The following ABCC4 variants were observed in gnomAD, a reference collection of about 807,000 sequenced individuals.
ABCC4 encodes the protein ATP binding cassette subfamily C member 4 (PEL blood group).
A neutral mutation model predicts 168.5 loss-of-function variants in ABCC4; 102 were observed. The observed-to-expected ratio is 0.61, with a 90% confidence interval of 0.52 to 0.71. The LOEUF is 0.71. ABCC4 is among the 30% of genes least tolerant of loss of function. The probability of loss-of-function intolerance (pLI) is 0.00; values close to 1 mark genes in which losing one functional copy is unlikely to be tolerated. For synonymous variants in ABCC4, 617 were observed against 590.7 expected (o/e 1.04, Z -0.65); for missense variants, 1,402 against 1,605.8 (o/e 0.87, Z 2.17).
chr13:95,039,224 T>C (rs1274731238), intron 29 of ABCC4, among the ~76,000 whole-genome samples: 1 of 152,150 alleles, frequency 6.6e-6, no homozygotes, highest in Non-Finnish European at 1.5e-5. Context: ...GCATACTTAA[T>C]CCGAAAATCC....
At chr13:95,025,903 T>C (rs1442500067) in intron 30 of ABCC4, among the ~76,000 whole-genome samples, 1 of 151,518 alleles carries the variant, frequency 6.6e-6, no homozygotes, top group Non-Finnish European at 1.5e-5. Flanking sequence ...AAAAGTGAAG[T>C]GGAAAAGAAA....
intron 30 of ABCC4, among the ~76,000 whole-genome samples, chr13:95,031,663 C>A (rs1158945988): frequency 6.6e-6 from 1 of 152,188 alleles, no homozygotes; most frequent in East Asian, 1.9e-4. Context: ...GATTTCAATT[C>A]TATGACCAAT....
At chr13:95,188,883 A>G (rs912870617) in intron 9 of ABCC4, among the ~76,000 whole-genome samples, 2 of 152,028 alleles carry the variant, frequency 1.3e-5, no homozygotes, top group Admixed American at 1.3e-4. Context: ...AAAACAATAT[A>G]TATATATTTT....
At chr13:95,075,168 C>A in intron 22 of ABCC4, 1 of 421,164 alleles carries the variant, frequency 2.4e-6, no homozygotes, top group Non-Finnish European at 4.3e-6. Flanking sequence ...AAAACGTTTG[C>A]TGACAGAGCC....
At chr13:95,090,532 T>C (rs1401971452) in intron 20 of ABCC4, among the ~76,000 whole-genome samples, 17 of 151,848 alleles carry the variant, frequency 1.1e-4, no homozygotes, top group Admixed American at 1.1e-3. Flanking sequence ...GAGACAATAA[T>C]CACCGCGGTT....
At chr13:95,223,432 T>C (rs1021428978) in intron 4 of ABCC4, among the ~76,000 whole-genome samples, 1 of 152,218 alleles carries the variant, frequency 6.6e-6, no homozygotes, top group South Asian at 2.1e-4. Context: ...TGGGTTAGTA[T>C]GTTCAAAGAA....
chr13:95,025,219 ACCCC>A (rs2031377179), intron 30 of ABCC4, among the ~76,000 whole-genome samples: 1 of 23,618 alleles, frequency 4.2e-5, no homozygotes, highest in Non-Finnish European at 7.3e-5. Flanking sequence ...CCCCCCACAC[ACCCC>A]CACACACACC....
chr13:95,175,466 C>T (rs552858307), intron 13 of ABCC4, among the ~76,000 whole-genome samples: 3 of 152,294 alleles, frequency 2.0e-5, no homozygotes, highest in African/African-American at 7.2e-5. Context: ...GCACCCGCCA[C>T]CATCCACCAC....
intron 10 of ABCC4, among the ~76,000 whole-genome samples, chr13:95,187,308 T>C (rs934945523): frequency 1.3e-5 from 2 of 152,198 alleles, no homozygotes; most frequent in Non-Finnish European, 2.9e-5. Context: ...ATGCTGTATG[T>C]AAATAACATA....
At chr13:95,123,853 T>A (rs2035660940) in intron 19 of ABCC4, among the ~76,000 whole-genome samples, 1 of 152,206 alleles carries the variant, frequency 6.6e-6, no homozygotes, top group African/African-American at 2.4e-5. Context: ...TGGTGCGGGT[T>A]ACCAGGGTGA....
chr13:95,218,905 A>AAGAGAGATGAGAG, intron 4 of ABCC4, among the ~76,000 whole-genome samples: 1 of 44,220 alleles, frequency 2.3e-5, no homozygotes, highest in Non-Finnish European at 5.0e-5. Context: ...GAGAGAGAGA[A>AAGAGAGATGAGAG]AGAGAGAGAG....
At chr13:95,199,558 A>C (rs1465751162) in intron 8 of ABCC4, among the ~76,000 whole-genome samples, 1 of 152,138 alleles carries the variant, frequency 6.6e-6, no homozygotes, top group Non-Finnish European at 1.5e-5. Context: ...ATAAGGACGA[A>C]AGTAGCCCTG....
At chr13:95,186,569 G>A (rs1278225610) in intron 11 of ABCC4, 132 bp downstream of exon 11, 3 of 703,052 alleles carry the variant, frequency 4.3e-6, no homozygotes, top group African/African-American at 3.7e-5. Flanking sequence ...TTACTGGGAG[G>A]ACCGCCTTAA....
At chr13:95,057,191 G>A (rs17300696) in intron 26 of ABCC4, among the ~76,000 whole-genome samples, 27,204 of 151,952 alleles carry the variant, frequency 0.18, 2,602 homozygotes, top group East Asian at 0.29. Context: ...TTCACTGTTC[G>A]CTTCTTCCTG....
chr13:95,039,150 G>T (rs2032252187), intron 29 of ABCC4, among the ~76,000 whole-genome samples: 1 of 152,196 alleles, frequency 6.6e-6, no homozygotes, highest in African/African-American at 2.4e-5. Context: ...GGGACCAGAA[G>T]TGTTTCAGAT....
intron 19 of ABCC4, among the ~76,000 whole-genome samples, chr13:95,135,562 A>C (rs2036119553): frequency 6.6e-6 from 1 of 151,872 alleles, no homozygotes; most frequent in Non-Finnish European, 1.5e-5. Context: ...ACAAGCACAT[A>C]CCATCATGCC....
At position 95,281,171 on chromosome 13, in the gene ABCC4, G is replaced by T. The variant is rs947517916; in HGVS notation, c.74+20070C>A. Among the ~76,000 whole-genome samples the T allele has an allele frequency of 2.6e-5, 4 of 151,824 alleles. No individual in the cohort carries two copies. In the South Asian group the frequency reaches 8.3e-4, roughly 32 times the overall value. On this transcript the variant is annotated intron_variant, in intron 1 of 30. Coordinates refer to ENST00000645237, the MANE Select transcript of ABCC4 (RefSeq NM_005845.5). ...CTAAAAATACAAAAATTAGCTGGGT[G>T]TGGTGGTGCAAGCCTGTAATCCCAG...
chr13:95,104,438 T>C (rs1398329870), intron 20 of ABCC4, among the ~76,000 whole-genome samples: 1 of 152,226 alleles, frequency 6.6e-6, no homozygotes, highest in East Asian at 1.9e-4. Context: ...TTTCATGGTC[T>C]TTCTTATGTA....
chr13:95,041,363 T>G (rs755171115), intron 29 of ABCC4, among the ~76,000 whole-genome samples: 8 of 152,224 alleles, frequency 5.3e-5, no homozygotes, highest in Non-Finnish European at 1.2e-4. Flanking sequence ...CGCAGTTGTT[T>G]CCCAACAAGC....
Sources: allele counts gnomAD v4.1 joint callset (sites outside exome capture counted in the v4.1 genomes callset), GRCh38; gene constraint gnomAD v4.1.1; transcripts MANE v1.5; gene names NCBI Gene and HGNC (gene_info 2026-07-23, HGNC 2026-07-21).